Variants in CDK5RAP2 observed in about 807,000 individuals in gnomAD.
The protein encoded by CDK5RAP2 is CDK5 regulatory subunit-associated protein 2.
Under a neutral mutation model 232.9 loss-of-function variants are expected in CDK5RAP2, and 147 were observed. That is an observed-to-expected ratio of 0.63 (90% CI 0.55 to 0.72). The LOEUF is 0.72. CDK5RAP2 is among the 30% of genes least tolerant of loss of function. The pLI, the probability that CDK5RAP2 is intolerant of heterozygous loss-of-function variation, is 0.00. For synonymous variants in CDK5RAP2, 833 were observed against 833.7 expected (o/e 1.00, Z 0.01); for missense variants, 2,195 against 2,231.5 (o/e 0.98, Z 0.33).
chr9:120,405,624 T>C (rs773489532), intron 32 of CDK5RAP2, among the ~76,000 whole-genome samples: 8 of 152,240 alleles, frequency 5.3e-5, no homozygotes, highest in Non-Finnish European at 8.8e-5. Flanking sequence ...ACTACCTTTG[T>C]ACACTGCTGA....
At chr9:120,497,543 T>A (rs944239322) in intron 12 of CDK5RAP2, among the ~76,000 whole-genome samples, 2 of 148,396 alleles carry the variant, frequency 1.3e-5, no homozygotes, top group Admixed American at 6.8e-5. Context: ...CAAAATTAAT[T>A]ATAAAGGGAA....
chr9:120,559,796 G>A (rs1250728002), intron 3 of CDK5RAP2, among the ~76,000 whole-genome samples: 2 of 152,142 alleles, frequency 1.3e-5, no homozygotes, highest in Admixed American at 1.3e-4. Flanking sequence ...TGACTACAGG[G>A]TGGTGCTTTC....
intron 25 of CDK5RAP2, among the ~76,000 whole-genome samples, chr9:120,429,237 T>G (rs1035938807): frequency 1.9e-4 from 29 of 149,844 alleles, no homozygotes; most frequent in African/African-American, 5.1e-4. Context: ...CTATTCAACA[T>G]AGTGTTGGAA....
chr9:120,437,069 CCT>C (rs1194114482), intron 25 of CDK5RAP2, among the ~76,000 whole-genome samples: 14 of 152,162 alleles, frequency 9.2e-5, no homozygotes, highest in East Asian at 1.9e-4. Context: ...CAGCCCGGCC[CCT>C]GAGGCGTCTA....
chr9:120,399,086 G>A (rs1460003238), intron 35 of CDK5RAP2, among the ~76,000 whole-genome samples: 1 of 152,188 alleles, frequency 6.6e-6, no homozygotes, highest in Non-Finnish European at 1.5e-5. Context: ...CATGACATCA[G>A]AGTGAGCATA....
At chr9:120,486,528 G>C (rs2038613126) in intron 14 of CDK5RAP2, among the ~76,000 whole-genome samples, 1 of 152,004 alleles carries the variant, frequency 6.6e-6, no homozygotes, top group Admixed American at 6.6e-5. Flanking sequence ...CCAGGCAACA[G>C]GCTGAACACT....
intron 27 of CDK5RAP2, among the ~76,000 whole-genome samples, chr9:120,419,054 G>T (rs2034407690): frequency 6.6e-6 from 1 of 152,186 alleles, no homozygotes; most frequent in Non-Finnish European, 1.5e-5. Flanking sequence ...ATAGGACCAT[G>T]AGGGTAGAGC....
At chr9:120,578,781 G>C (rs2043135273) in intron 1 of CDK5RAP2, among the ~76,000 whole-genome samples, 1 of 152,056 alleles carries the variant, frequency 6.6e-6, no homozygotes, top group Admixed American at 6.6e-5. Context: ...TGCCCAGGCT[G>C]ATCTCACACT....
At position 120,572,061 on chromosome 9, in the gene CDK5RAP2, A is replaced by G. The variant is rs2042874864; in HGVS notation, c.60-20T>C. 1.3e-6 allele frequency: 2 copies of G among 1,567,866 alleles called. No homozygotes were observed. Among genetic ancestry groups the G allele is most frequent in the East Asian group, 4.5e-5 (2 of 44,700 alleles). ...AGGCCACTAGGAGAGAACACATGAG[A>G]TAAGAGATGAGCTAATGTTTGAACA... On this transcript the variant is annotated intron_variant, in intron 1 of 37. Coordinates refer to ENST00000349780, the MANE Select transcript of CDK5RAP2 (RefSeq NM_018249.6).
chr9:120,420,047 TACTCTTAGTA>T, intron 26 of CDK5RAP2, 87 bp from the exon 27 acceptor site: 1 of 1,054,366 alleles, frequency 9.5e-7, no homozygotes, highest in Non-Finnish European at 1.5e-6. Flanking sequence ...ACGATTACTT[TACTCTTAGTA>T]ACTCCCCAAT....
At chr9:120,478,148 C>A (rs770868333) in intron 14 of CDK5RAP2, among the ~76,000 whole-genome samples, 1 of 152,168 alleles carries the variant, frequency 6.6e-6, no homozygotes, top group Non-Finnish European at 1.5e-5. Context: ...TTACTAGGAG[C>A]CTTGGTATTC....
At chr9:120,443,598 C>T in intron 23 of CDK5RAP2, 22 bp downstream of exon 23, 1 of 1,613,726 alleles carries the variant, frequency 6.2e-7, no homozygotes, top group Non-Finnish European at 8.5e-7. Flanking sequence ...CTGTTCAATA[C>T]ACACAGGGGC....
At chr9:120,476,757 G>A (rs573829834) in intron 15 of CDK5RAP2, among the ~76,000 whole-genome samples, 3 of 152,100 alleles carry the variant, frequency 2.0e-5, no homozygotes, top group African/African-American at 7.2e-5. Context: ...CATGGACAGA[G>A]GCCCAGAGCA....
At chr9:120,572,132 A>G in intron 1 of CDK5RAP2, 91 bp from the exon 2 acceptor site, 1 of 1,019,210 alleles carries the variant, frequency 9.8e-7, no homozygotes, top group Non-Finnish European at 1.5e-6. Flanking sequence ...CAATCATCCC[A>G]TGGCCAGGAG....
rs1429844207 is a variant in CDK5RAP2, at chr9:120,539,129, G to A, written c.419C>T (p.Ser140Phe). Reference protein sequence around the residue: ...AVESLAEAGGSEIQRVKEDAR... With the variant: ...AVESLAEAGGFEIQRVKEDAR... ...ATCTTCTTTCACCCGCTGGATTTCA[G>A]AGCCACCTGCTTCAGCTAAGCTCTC... is the stretch of plus-strand genomic sequence containing the variant. The change falls in exon 6 of 38, where the codon TCT becomes TTT. Residue 140 changes from serine to phenylalanine, a missense_variant. By Grantham distance (155) the Ser-to-Phe change is radical. Coordinates refer to ENST00000349780, the MANE Select transcript of CDK5RAP2 (RefSeq NM_018249.6). The A allele has an allele frequency of 1.2e-6, 2 of 1,613,828 alleles. No individual in the cohort carries two copies. Among genetic ancestry groups the A allele is most frequent in the Non-Finnish European group, 8.5e-7 (1 of 1,179,906 alleles).
At chr9:120,486,086 A>G (rs985798352) in intron 14 of CDK5RAP2, among the ~76,000 whole-genome samples, 2 of 152,178 alleles carry the variant, frequency 1.3e-5, no homozygotes. Flanking sequence ...CACCAGTTGG[A>G]AAATAAACCC....
rs773181071 is a variant in CDK5RAP2, at chr9:120,407,254, G to C, written c.4727-6C>G. On this transcript the variant is annotated splice_region_variant and splice_polypyrimidine_tract_variant and intron_variant, in intron 31 of 37. Transcript: ENST00000349780. Reference sequence around the variant, plus strand: ...CCAGCCTTCTCCCGACGCCTCTGAGGACATGTGCAAAGAGAAGCCCTGACA... The same window carrying C: ...CCAGCCTTCTCCCGACGCCTCTGAGCACATGTGCAAAGAGAAGCCCTGACA... 9 of 1,604,852 alleles carry C rather than the reference G, an allele frequency of 5.6e-6. No homozygotes were observed. In the South Asian group the frequency reaches 8.8e-5, roughly 16 times the overall value.
intron 7 of CDK5RAP2, among the ~76,000 whole-genome samples, chr9:120,533,917 C>T (rs2041272422): frequency 6.6e-6 from 1 of 151,970 alleles, no homozygotes; most frequent in Non-Finnish European, 1.5e-5. Flanking sequence ...TCCACTCTAC[C>T]TTCTAGCCTG....
intron 36 of CDK5RAP2, among the ~76,000 whole-genome samples, chr9:120,392,151 T>C (rs1171264916): frequency 2.0e-5 from 3 of 152,150 alleles, no homozygotes; most frequent in African/African-American, 7.2e-5. Context: ...GAGCATCTCC[T>C]CTGCCCCCGA....
Sources: allele counts gnomAD v4.1 joint callset (sites outside exome capture counted in the v4.1 genomes callset), GRCh38; gene constraint gnomAD v4.1.1; transcripts MANE v1.5; gene names NCBI Gene and HGNC (gene_info 2026-07-23, HGNC 2026-07-21).